CAMKK2: variants seen among roughly 807,000 people sequenced by gnomAD.
CAMKK2 encodes the protein calcium/calmodulin dependent protein kinase kinase 2, also known as calcium/calmodulin-dependent protein kinase kinase 2.
A neutral mutation model predicts 67.2 loss-of-function variants in CAMKK2; 30 were observed. The observed-to-expected ratio is 0.45, with a 90% CI of 0.33 to 0.61. The LOEUF (loss-of-function observed/expected upper bound fraction) is 0.61. Among genes scored for constraint, CAMKK2 ranks in the 20% least tolerant of loss-of-function variants. CAMKK2 has a pLI of 0.02. For synonymous variants in CAMKK2, 322 were observed against 326.2 expected (o/e 0.99, Z 0.14); for missense variants, 643 against 802.0 (o/e 0.80, Z 2.39).
intron 7 of CAMKK2, among the ~76,000 whole-genome samples, chr12:121,258,381 A>G (rs1181613179): frequency 1.3e-5 from 2 of 151,918 alleles, no homozygotes; most frequent in African/African-American, 4.8e-5. Context: ...CGCCCAGGCT[A>G]GAGTGCAGTG....
rs542832337 is a variant in CAMKK2 at position 121,255,733 on chromosome 12, C to G, written c.818+50G>C. The G allele has an allele frequency of 3.1e-6, 5 of 1,610,074 alleles. No individual in the cohort carries two copies. In the African/African-American group the frequency reaches 6.7e-5, roughly 22 times the overall value. ...CCCAGTGGCACCTCACTCAGCTATG[C>G]AGCTACAGAAGCTTCTTGCATCACC... On this transcript the variant is annotated intron_variant, in intron 8 of 16. Transcript: ENST00000404169.
rs751545786 is a variant in CAMKK2, at chr12:121,257,766, CA to C, written c.797-1963del. The stretch of plus-strand genomic sequence containing the variant: ...AAACAAAGGCAATGCTGCTAAGGTA[CA>C]GCTTCTACAGACAACCCAGCGCTGG... On this transcript the variant is annotated intron_variant, in intron 7 of 16. Transcript: ENST00000404169. Among the ~76,000 whole-genome samples, 145 of 152,286 alleles carry C rather than the reference CA, an allele frequency of 9.5e-4. 2 individuals carry two copies. Among genetic ancestry groups the C allele is most frequent in the Non-Finnish European group, 1.5e-3 (104 of 68,032 alleles).
At chr12:121,297,574 GC>G (rs771681918), upstream of CAMKK2, 4 of 515,834 alleles carry the variant, frequency 7.8e-6, no homozygotes, top group Non-Finnish European at 1.5e-5. Context: ...GGATCCCCCA[GC>G]TGGATAACAG....
rs200127209 is a variant in CAMKK2 at position 121,244,595 on chromosome 12, C to T, written c.1574G>A (p.Cys525Tyr). Residue 525 changes from cysteine to tyrosine, a missense_variant, in exon 16 of 17, where the codon TGT (cysteine) becomes TAT (tyrosine). Physicochemically the swap from Cys to Tyr is radical, Grantham distance 194. Around this residue, in one of 3 missense-constraint regions of CAMKK2, gnomAD observed 140 missense variants for 124.2 expected, o/e 1.13. Coordinates refer to ENST00000404169, the MANE Select transcript of CAMKK2 (RefSeq NM_001270485.2). ...NLLTKKPTRE[C>Y]ESLSELKEAR... ...TACCTTGAGCTCAGACAGGGACTCA[C>T]ATTCCCTGGTTGGTTTTTTGCTGGA... The T allele has an allele frequency of 1.7e-5, 26 of 1,564,768 alleles. No individual in the cohort carries two copies. The highest frequency in any genetic ancestry group is 2.3e-5 in the Non-Finnish European group (26 of 1,154,326).
At chr12:121,270,761 C>A (rs1895596611) in intron 3 of CAMKK2, 137 bp downstream of exon 3, 4 of 643,798 alleles carry the variant, frequency 6.2e-6, no homozygotes, top group Non-Finnish European at 1.1e-5. Context: ...AAACCTAGAT[C>A]ATTAATGACA....
chr12:121,247,944 G>C (rs1316684080), intron 14 of CAMKK2, among the ~76,000 whole-genome samples: 1 of 152,144 alleles, frequency 6.6e-6, no homozygotes, highest in African/African-American at 2.4e-5. Flanking sequence ...CCCCAAGCCT[G>C]CTGCCTGGAA....
chr12:121,269,542 C>T lies in CAMKK2; in HGVS notation c.559G>A (p.Asp187Asn). 6.2e-7 allele frequency: 1 copy of T among 1,606,594 alleles called. No individual in the cohort carries two copies. ...GVVKLAYNEN[D>N]NTYYAMKVLS... is the part of the protein sequence containing the mutation. ...CGGATACTCACATAGTAGGTATTGT[C>T]ATTTTCATTGTAGGCCAACTTGACG... Residue 187 changes from aspartate to asparagine, a missense_variant, in exon 4 of 17, where the codon GAC becomes AAC. Asp to Asn is a conservative substitution (Grantham distance 23). Coordinates refer to ENST00000404169, the MANE Select transcript of CAMKK2 (RefSeq NM_001270485.2).
At chr12:121,280,300 C>G (rs142564746) in intron 1 of CAMKK2, among the ~76,000 whole-genome samples, 140 of 152,372 alleles carry the variant, frequency 9.2e-4, no homozygotes, top group African/African-American at 3.3e-3. Context: ...ACACTTATCA[C>G]TTCCCCAGTC....
At chr12:121,273,076 CA>C (rs1896078157) in intron 2 of CAMKK2, among the ~76,000 whole-genome samples, 1 of 152,006 alleles carries the variant, frequency 6.6e-6, no homozygotes, top group African/African-American at 2.4e-5. Context: ...TGGAGACAGG[CA>C]ATAAACAACT....
Sources: gnomAD v4.1 joint callset for allele counts (sites outside exome capture counted in the v4.1 genomes callset) on GRCh38, gnomAD v4.1.1 for gene constraint, gnomAD v4.1.1 regional missense constraint, MANE v1.5 for transcripts, NCBI Gene and HGNC (gene_info 2026-07-23, HGNC 2026-07-21) for gene names.